The following ODAD2 variants were observed in gnomAD, a reference collection of about 807,000 sequenced individuals.
ODAD2 encodes the protein outer dynein arm docking complex subunit 2.
In ODAD2, 89 loss-of-function variants were observed where a neutral mutation model predicts 106.8. The ratio of observed to expected loss-of-function variants is 0.83; its 90% CI spans 0.70 to 0.99. ODAD2 has a LOEUF of 0.99. ODAD2 is among the 50% of genes least tolerant of loss of function. The pLI, the probability that ODAD2 is intolerant of heterozygous loss-of-function variation, is 0.00. For missense variants in ODAD2, 1,168 were observed against 1,238.5 expected (o/e 0.94, Z 0.85); for synonymous variants, 404 against 436.2 (o/e 0.93, Z 0.92).
At chr10:27,960,487 C>T (rs1848058371) in intron 10 of ODAD2, among the ~76,000 whole-genome samples, 1 of 151,614 alleles carries the variant, frequency 6.6e-6, no homozygotes, top group African/African-American at 2.4e-5. Flanking sequence ...GCTGGGATTA[C>T]AGGCGTGTGC....
At chr10:27,834,598 G>C (rs1438324385) in intron 19 of ODAD2, among the ~76,000 whole-genome samples, 2 of 152,186 alleles carry the variant, frequency 1.3e-5, no homozygotes, top group Non-Finnish European at 2.9e-5. Flanking sequence ...TGGGGGCAAG[G>C]AGTGAGATAA....
At chr10:27,993,049 G>A (rs1850325324) in intron 2 of ODAD2, among the ~76,000 whole-genome samples, 2 of 152,044 alleles carry the variant, frequency 1.3e-5, no homozygotes. Context: ...CCTAGTAGCT[G>A]AGATTACAGA....
At chr10:27,986,422 T>A (rs1164997103) in intron 3 of ODAD2, among the ~76,000 whole-genome samples, 1 of 152,216 alleles carries the variant, frequency 6.6e-6, no homozygotes, top group Admixed American at 6.5e-5. Flanking sequence ...CTACATATTA[T>A]GTCTACCAAT....
intron 19 of ODAD2, among the ~76,000 whole-genome samples, chr10:27,816,655 G>T (rs1322837864): frequency 6.6e-6 from 1 of 152,168 alleles, no homozygotes; most frequent in Non-Finnish European, 1.5e-5. Flanking sequence ...GATATTTGGA[G>T]TTTAAGATTT....
intron 19 of ODAD2, among the ~76,000 whole-genome samples, chr10:27,820,021 C>T (rs139584290): frequency 3.9e-5 from 6 of 152,282 alleles, no homozygotes; most frequent in African/African-American, 9.6e-5. Context: ...GCTACTCACG[C>T]TCATGGTGAT....
At chr10:27,891,871 A>G (rs965574886) in intron 17 of ODAD2, among the ~76,000 whole-genome samples, 4 of 152,180 alleles carry the variant, frequency 2.6e-5, no homozygotes, top group Non-Finnish European at 5.9e-5. Context: ...AAATTTTCAT[A>G]TTTTCAGTAT....
intron 1 of ODAD2, chr10:27,997,342 T>G (rs1425017312): frequency 2.0e-5 from 3 of 152,228 alleles, no homozygotes; most frequent in African/African-American, 7.2e-5. Flanking sequence ...CTTTATCTTA[T>G]ACAGAAAGGC....
chr10:27,818,123 G>A (rs111649256), intron 19 of ODAD2, among the ~76,000 whole-genome samples: 192 of 151,350 alleles, frequency 1.3e-3, no homozygotes, highest in Middle Eastern at 3.4e-3. Context: ...CAGCCTGGAT[G>A]CCAATGGATC....
At chr10:27,841,724 C>T (rs1240283705) in intron 19 of ODAD2, among the ~76,000 whole-genome samples, 1 of 151,850 alleles carries the variant, frequency 6.6e-6, no homozygotes, top group Non-Finnish European at 1.5e-5. Flanking sequence ...TGATCCTGTC[C>T]CTATACACCT....
At chr10:27,875,221 C>T (rs1841238604) in intron 17 of ODAD2, among the ~76,000 whole-genome samples, 1 of 152,188 alleles carries the variant, frequency 6.6e-6, no homozygotes, top group South Asian at 2.1e-4. Context: ...CATTTAAGGA[C>T]TTCTCTACAC....
chr10:27,887,944 T>C (rs577631051), intron 17 of ODAD2, among the ~76,000 whole-genome samples: 6 of 152,028 alleles, frequency 3.9e-5, no homozygotes, highest in Admixed American at 6.5e-5. Context: ...CTAGATGAAA[T>C]AGACAAATTT....
At chr10:27,959,507 G>A (rs1478609052) in intron 10 of ODAD2, among the ~76,000 whole-genome samples, 1 of 152,084 alleles carries the variant, frequency 6.6e-6, no homozygotes, top group Admixed American at 6.6e-5. Context: ...GCTGGGCATG[G>A]TCACCGTGCG....
chr10:27,856,110 T>A (rs539673353), intron 19 of ODAD2, among the ~76,000 whole-genome samples: 69 of 152,320 alleles, frequency 4.5e-4, no homozygotes, highest in African/African-American at 1.5e-3. Context: ...GGATATCTCT[T>A]AGACTTCTCA....
chr10:27,965,507 T>TA (rs1848435175), intron 9 of ODAD2, among the ~76,000 whole-genome samples: 1 of 152,176 alleles, frequency 6.6e-6, no homozygotes, highest in Non-Finnish European at 1.5e-5. Context: ...TCATTTGGGC[T>TA]ATTGCAGAGC....
Position 27,833,643 on chromosome 10 carries a change from G to A in ODAD2, c.3022-21018C>T, listed in dbSNP as rs201245684. Among the ~76,000 whole-genome samples, 8 of 152,240 alleles carry A rather than the reference G, an allele frequency of 5.3e-5. No homozygotes were observed. In the East Asian group the frequency reaches 1.2e-3, roughly 22 times the overall value. On this transcript the variant is annotated intron_variant, in intron 19 of 19. Transcript: ENST00000305242. ...TGGTTATGTGTGGGACAAAAAATTG[G>A]GGAAAATAGTTCATTGCTTCATTCA...
chr10:27,962,768 G>A (rs3952837), intron 9 of ODAD2, among the ~76,000 whole-genome samples: 102,889 of 151,732 alleles, frequency 0.68, 35,045 homozygotes, highest in Middle Eastern at 0.72. Flanking sequence ...GCTTGTCTCC[G>A]CCTCCCACCG....
intron 8 of ODAD2, among the ~76,000 whole-genome samples, chr10:27,969,464 A>G (rs1274820129): frequency 6.6e-6 from 1 of 152,310 alleles, no homozygotes; most frequent in Non-Finnish European, 1.5e-5. Context: ...CTCATGCTTG[A>G]AAGAGTAAGA....
rs918404412 is a variant in ODAD2 at position 27,860,497 on chromosome 10, A to G, written c.3021+128T>C. 1.8e-5 allele frequency: 14 copies of G among 788,332 alleles called. No homozygotes were observed. In the African/African-American group the frequency reaches 2.4e-4, roughly 14 times the overall value. 48.8% of individuals were successfully genotyped at this position (788,332 alleles called of 1,614,324 possible). A position where few individuals can be genotyped will look rare whatever the true frequency, so the allele number is the denominator to read the frequency against. On this transcript the variant is annotated intron_variant, in intron 19 of 19. Transcript: ENST00000305242. Reference sequence around the variant, plus strand: ...GATAACACATGGCTTGAATGCAGCCATGATGCAGCAGGCAGGCACTTTTGT... The same window carrying G: ...GATAACACATGGCTTGAATGCAGCCGTGATGCAGCAGGCAGGCACTTTTGT...
intron 18 of ODAD2, 134 bp from the exon 19 acceptor site, chr10:27,860,980 A>G: frequency 1.4e-6 from 1 of 717,504 alleles, no homozygotes; most frequent in Admixed American, 2.5e-5. Flanking sequence ...CTGACTACCT[A>G]GGTGATGTTT....
Sources: allele counts gnomAD v4.1 joint callset (sites outside exome capture counted in the v4.1 genomes callset), GRCh38; gene constraint gnomAD v4.1.1; transcripts MANE v1.5; gene names NCBI Gene and HGNC (gene_info 2026-07-23, HGNC 2026-07-21).